The following VWF variants were observed in gnomAD, a reference collection of about 807,000 sequenced individuals.
The protein encoded by VWF is von Willebrand factor.
In VWF, 176 loss-of-function variants were observed where a neutral mutation model predicts 308.6. The observed-to-expected ratio is 0.57, with a 90% CI of 0.50 to 0.65. The LOEUF (loss-of-function observed/expected upper bound fraction) is 0.65, where lower values mean the gene tolerates loss of function less well. Among genes scored for constraint, VWF ranks in the 30% least tolerant of loss-of-function variants. The pLI is 0.00. For missense variants in VWF, 3,146 were observed against 3,648.2 expected (o/e 0.86, Z 3.55); for synonymous variants, 1,385 against 1,443.4 (o/e 0.96, Z 0.92).
chr12:6,054,565 G>A (rs144082130), intron 15 of VWF, among the ~76,000 whole-genome samples: 1 of 152,314 alleles, frequency 6.6e-6, no homozygotes, highest in African/African-American at 2.4e-5. Context: ...CACTTCTTGT[G>A]TATCCACTGC....
chr12:6,015,563 A>G, intron 31 of VWF, among the ~76,000 whole-genome samples: 1 of 151,914 alleles, frequency 6.6e-6, no homozygotes, highest in Non-Finnish European at 1.5e-5. Flanking sequence ...TGTTGATATT[A>G]AGAACATGAT....
In VWF at chr12:5,954,321, G is replaced by C. The variant is rs534940107; in HGVS notation, c.7888-727C>G. Among the ~76,000 whole-genome samples, 35 of 152,308 alleles carry C rather than the reference G, an allele frequency of 2.3e-4. No individual in the cohort carries two copies. The East Asian group carries it at 5.6e-3, about 24-fold the overall frequency. ...GGCTGTAGTTACGGCACAGTGGCTT[G>C]TATTGGACTAACCTTCCTGCAGATG... On this transcript the variant is annotated intron_variant, in intron 47 of 51. Coordinates refer to ENST00000261405, the MANE Select transcript of VWF (RefSeq NM_000552.5).
Position 6,108,237 on chromosome 12 carries a change from TGA to T in VWF, c.532+2135_532+2136del, listed in dbSNP as rs566018036. ...TGAATCTGGGAGGTGGAGGCTGTAG[TGA>T]GCTGAGATCTCACCACTGCAATCCG... On this transcript the variant is annotated intron_variant, in intron 5 of 51. Transcript: ENST00000261405. 3.5e-3 allele frequency among the ~76,000 whole-genome samples: 526 copies of T among 149,452 alleles called. 2 individuals are homozygous for T. The highest frequency in any genetic ancestry group is 5.9e-3 in the Non-Finnish European group (402 of 67,580).
intron 15 of VWF, among the ~76,000 whole-genome samples, chr12:6,055,759 T>TACACACACACACACACAC (rs775653228): frequency 4.2e-4 from 28 of 66,308 alleles, no homozygotes; most frequent in Admixed American, 5.8e-4. Flanking sequence ...TATATATATG[T>TACACACACACACACACAC]ATACACACAC....
intron 5 of VWF, among the ~76,000 whole-genome samples, chr12:6,106,832 A>T (rs1945249093): frequency 6.8e-6 from 1 of 147,716 alleles, no homozygotes; most frequent in South Asian, 2.1e-4. Context: ...CTGAGATCAC[A>T]CCATTGCACT....
At chr12:5,949,970 A>G in intron 50 of VWF, 87 bp from the exon 51 acceptor site, 1 of 1,211,232 alleles carries the variant, frequency 8.3e-7, no homozygotes, top group Non-Finnish European at 1.2e-6. Flanking sequence ...CTGGGCTGGA[A>G]ATAGGTCCCT....
At chr12:6,021,736 C>A (rs973482650) in intron 27 of VWF, among the ~76,000 whole-genome samples, 164 bp downstream of exon 27, 2 of 152,110 alleles carry the variant, frequency 1.3e-5, no homozygotes, top group African/African-American at 2.4e-5. Flanking sequence ...ACAAACAAAA[C>A]AATAAACTAC....
chr12:5,968,341 C>T, intron 45 of VWF, 174 bp from the exon 46 acceptor site: 2 of 674,184 alleles, frequency 3.0e-6, no homozygotes, highest in Admixed American at 2.7e-5. Flanking sequence ...CTGGAGCCCA[C>T]AGCGGCCTCC....
At chr12:6,035,888 G>A (rs928671577) in intron 19 of VWF, among the ~76,000 whole-genome samples, 1 of 152,250 alleles carries the variant, frequency 6.6e-6, no homozygotes, top group African/African-American at 2.4e-5. Context: ...GGCTGAGAGG[G>A]TGACACCTTT....
rs778499185 is a variant in VWF at position 6,023,706 on chromosome 12, C to T, written c.3304G>A (p.Asp1102Asn). 4.3e-6 allele frequency: 7 copies of T among 1,613,814 alleles called. No homozygotes were observed. Among genetic ancestry groups the T allele is most frequent in the African/African-American group, 1.3e-5 (1 of 74,912 alleles). ...ESIGDCACFC[D>N]TIAAYAHVCA... ...ACGTGGGCATAGGCAGCAATGGTGT[C>T]GCAGAAGCAGGCGCAGTCCCCAATG... The change falls in exon 25 of 52, where the codon GAC (aspartate) becomes AAC (asparagine). Residue 1102 changes from aspartate (D) to asparagine (N), a missense_variant. By Grantham distance (23) the Asp-to-Asn change is conservative. Around this residue, in one of 3 missense-constraint regions of VWF, gnomAD observed 853 missense variants for 1,177.8 expected, o/e 0.72. Coordinates refer to ENST00000261405, the MANE Select transcript of VWF (RefSeq NM_000552.5).
chr12:5,997,246 CA>C (rs1281587082), intron 34 of VWF, among the ~76,000 whole-genome samples: 1 of 152,178 alleles, frequency 6.6e-6, no homozygotes, highest in Non-Finnish European at 1.5e-5. Flanking sequence ...TTCCAAGTGA[CA>C]GTACTGAATA....
At chr12:6,054,504 C>T in intron 15 of VWF, among the ~76,000 whole-genome samples, 1 of 152,200 alleles carries the variant, frequency 6.6e-6, no homozygotes, top group East Asian at 1.9e-4. Flanking sequence ...TATTAAATTT[C>T]TCCTTTAGCC....
intron 34 of VWF, among the ~76,000 whole-genome samples, chr12:5,996,750 CAAAAAA>C (rs61616182): frequency 1.7e-5 from 1 of 60,468 alleles, no homozygotes; most frequent in African/African-American, 5.0e-5. Flanking sequence ...TTTCCAGAGC[CAAAAAA>C]AAAAAAAAAA....
chr12:5,996,815 A>C (rs1229500839), intron 34 of VWF, among the ~76,000 whole-genome samples: 2 of 151,846 alleles, frequency 1.3e-5, no homozygotes, highest in Non-Finnish European at 2.9e-5. Flanking sequence ...TGAGTCATTC[A>C]CATAATTGGC....
chr12:6,093,095 T>A (rs1945068629), intron 6 of VWF, among the ~76,000 whole-genome samples: 1 of 152,162 alleles, frequency 6.6e-6, no homozygotes, highest in Admixed American at 6.5e-5. Flanking sequence ...TCTAAGTTTA[T>A]GAACCTTGTG....
intron 43 of VWF, among the ~76,000 whole-genome samples, chr12:5,975,796 A>C (rs1178319595): frequency 1.3e-5 from 2 of 152,194 alleles, no homozygotes; most frequent in Admixed American, 6.5e-5. Flanking sequence ...ACCATTAGCC[A>C]AGGACTGAAC....
At position 6,018,961 on chromosome 12, in the gene VWF, G is replaced by A. The variant is rs149424724; in HGVS notation, c.4457C>T (p.Ser1486Leu). The stretch of plus-strand genomic sequence containing the variant: ...GGAGTTCCTCTTGGGCCCCAGGGTC[G>A]AAACCCCCAAGAGCCCCGGGCCCAC... ...VTVGPGLLGV[S>L]TLGPKRNSMV... The change falls in exon 28 of 52, where the codon TCG becomes TTG. Residue 1486 changes from serine to leucine, a missense_variant. Around this residue, in one of 3 missense-constraint regions of VWF, gnomAD observed 853 missense variants for 1,177.8 expected, o/e 0.72. Transcript: ENST00000261405. 4.8e-4 allele frequency: 782 copies of A among 1,613,858 alleles called. 9 individuals are homozygous for A. In the African/African-American group the frequency reaches 9.1e-3, roughly 19 times the overall value.
intron 27 of VWF, chr12:6,021,174 C>T (rs1223942687): frequency 6.6e-6 from 1 of 152,480 alleles, no homozygotes; most frequent in African/African-American, 2.4e-5. Context: ...CAGGATCTGA[C>T]TCTAGCAGCT....
intron 10 of VWF, among the ~76,000 whole-genome samples, chr12:6,066,112 C>T (rs1301410534): frequency 1.3e-5 from 2 of 152,180 alleles, no homozygotes; most frequent in African/African-American, 4.8e-5. Flanking sequence ...CTCAGCTTGT[C>T]CCCACCCTAA....
Sources: allele counts gnomAD v4.1 joint callset (sites outside exome capture counted in the v4.1 genomes callset), GRCh38; gene constraint gnomAD v4.1.1; regional missense constraint gnomAD v4.1.1; transcripts MANE v1.5; gene names NCBI Gene and HGNC (gene_info 2026-07-23, HGNC 2026-07-21).